Variants in DLG2 observed in about 807,000 individuals in gnomAD.
DLG2 encodes the protein discs large MAGUK scaffold protein 2.
Under a neutral mutation model 132.5 loss-of-function variants are expected in DLG2, and 45 were observed. The observed-to-expected ratio is 0.34, with a 90% CI of 0.27 to 0.44. The LOEUF (loss-of-function observed/expected upper bound fraction) is 0.44. Among genes scored for constraint, DLG2 ranks in the 20% least tolerant of loss-of-function variants. DLG2 has a pLI of 1.00. For missense variants in DLG2, 1,045 were observed against 1,196.9 expected (o/e 0.87, Z 1.87); for synonymous variants, 424 against 419.6 (o/e 1.01, Z -0.13).
At chr11:84,531,277 G>C (rs899232230) in intron 7 of DLG2, among the ~76,000 whole-genome samples, 1 of 152,076 alleles carries the variant, frequency 6.6e-6, no homozygotes, top group East Asian at 1.9e-4. Flanking sequence ...TAAACAATGA[G>C]TACATATGGA....
chr11:85,112,046 C>T (rs1367956202), intron 5 of DLG2, among the ~76,000 whole-genome samples: 3 of 152,058 alleles, frequency 2.0e-5, no homozygotes, highest in African/African-American at 7.2e-5. Flanking sequence ...GCTGACTGTT[C>T]TCTTCCAGGC....
At chr11:85,017,901 G>C (rs1056091843) in intron 6 of DLG2, among the ~76,000 whole-genome samples, 10 of 152,068 alleles carry the variant, frequency 6.6e-5, no homozygotes, top group Non-Finnish European at 1.3e-4. Context: ...GGAGTGCAAG[G>C]CTTTCTCAGT....
intron 18 of DLG2, among the ~76,000 whole-genome samples, chr11:83,709,403 T>C (rs1203034032): frequency 2.0e-5 from 3 of 150,964 alleles, no homozygotes; most frequent in Non-Finnish European, 3.0e-5. Flanking sequence ...TTCAACAAGA[T>C]TGCTCATTAA....
intron 6 of DLG2, among the ~76,000 whole-genome samples, chr11:84,835,979 C>T (rs759390921): frequency 1.1e-3 from 162 of 151,744 alleles, no homozygotes; most frequent in Admixed American, 2.1e-3. Flanking sequence ...TGAAGAATTA[C>T]AGTATGGCTG....
intron 6 of DLG2, among the ~76,000 whole-genome samples, chr11:85,066,350 C>A (rs888632361): frequency 5.3e-5 from 8 of 151,724 alleles, no homozygotes; most frequent in Admixed American, 5.3e-4. Flanking sequence ...GGATTCATAG[C>A]TGAATTTTAC....
intron 16 of DLG2, among the ~76,000 whole-genome samples, chr11:83,847,184 T>C (rs1400911805): frequency 6.6e-6 from 1 of 152,168 alleles, no homozygotes; most frequent in East Asian, 1.9e-4. Context: ...AAATATCTAT[T>C]GTACAGAGTT....
intron 7 of DLG2, among the ~76,000 whole-genome samples, chr11:84,390,985 C>G (rs1040450998): frequency 6.6e-6 from 1 of 152,108 alleles, no homozygotes; most frequent in Non-Finnish European, 1.5e-5. Flanking sequence ...TTTTAAGAGT[C>G]AGGCCTGAAA....
At chr11:84,763,196 G>T (rs969310638) in intron 6 of DLG2, 10 of 152,228 alleles carry the variant, frequency 6.6e-5, no homozygotes, top group Non-Finnish European at 1.3e-4. Context: ...CATTTTGAAA[G>T]GTAATCACAC....
chr11:85,196,647 T>C (rs2152542277), intron 4 of DLG2, among the ~76,000 whole-genome samples: 1 of 152,348 alleles, frequency 6.6e-6, no homozygotes, highest in East Asian at 1.9e-4. Flanking sequence ...GGGACCAGGG[T>C]TGTTTCTCCA....
At chr11:84,999,717 T>G (rs1226562368) in intron 6 of DLG2, among the ~76,000 whole-genome samples, 4 of 152,144 alleles carry the variant, frequency 2.6e-5, no homozygotes, top group Non-Finnish European at 5.9e-5. Flanking sequence ...AATGTTCGCA[T>G]CATCAAATTG....
intron 19 of DLG2, among the ~76,000 whole-genome samples, chr11:83,622,255 A>C (rs1180541638): frequency 6.6e-6 from 1 of 152,144 alleles, no homozygotes; most frequent in Non-Finnish European, 1.5e-5. Context: ...ACAAGAATTG[A>C]GCATTTTCAT....
At position 84,273,241 on chromosome 11, in the gene DLG2, A is replaced by C. The variant is rs774491216; in HGVS notation, c.520-21950T>G. On this transcript the variant is annotated intron_variant, in intron 7 of 27. Coordinates refer to ENST00000376104, the MANE Select transcript of DLG2 (RefSeq NM_001142699.3). ...GCTGATAATTCTCAGCCCGAGAAAC[A>C]CTTGGCCGTTGCATAGCGAAAGCTG... 3.9e-6 allele frequency: 6 copies of C among 1,554,336 alleles called. No individual in the cohort carries two copies. In the East Asian group the frequency reaches 1.4e-4, roughly 36 times the overall value.
chr11:85,536,348 A>G (rs1317425787), intron 3 of DLG2, among the ~76,000 whole-genome samples: 2 of 152,048 alleles, frequency 1.3e-5, no homozygotes, highest in African/African-American at 4.8e-5. Flanking sequence ...CTTTGGGAGG[A>G]CCCCAGAAGC....
chr11:84,120,462 T>C (rs533766430), intron 9 of DLG2, among the ~76,000 whole-genome samples: 2 of 152,306 alleles, frequency 1.3e-5, no homozygotes, highest in Admixed American at 1.3e-4. Context: ...AAGTTGTTCT[T>C]CACAATGACT....
intron 11 of DLG2, among the ~76,000 whole-genome samples, chr11:84,015,250 A>T (rs554768706): frequency 1.3e-5 from 2 of 152,300 alleles, no homozygotes; most frequent in South Asian, 4.1e-4. Flanking sequence ...ATAAAGAAGC[A>T]TGTGCCAAGT....
At chr11:83,574,783 G>A (rs572721321) in intron 19 of DLG2, among the ~76,000 whole-genome samples, 1 of 152,154 alleles carries the variant, frequency 6.6e-6, no homozygotes, top group Non-Finnish European at 1.5e-5. Context: ...TGTCTAAAAC[G>A]ATTGGATCCA....
At chr11:84,307,620 C>T (rs893514343) in intron 7 of DLG2, among the ~76,000 whole-genome samples, 3 of 146,990 alleles carry the variant, frequency 2.0e-5, no homozygotes, top group African/African-American at 7.7e-5. Flanking sequence ...GGCGTGAACC[C>T]GGGAAGCAGA....
At chr11:84,764,461 T>A (rs2068103488) in intron 6 of DLG2, among the ~76,000 whole-genome samples, 1 of 152,142 alleles carries the variant, frequency 6.6e-6, no homozygotes, top group African/African-American at 2.4e-5. Context: ...TAGTGCTCAT[T>A]TTCTGCCAAG....
chr11:84,225,050 T>A (rs1322227007), intron 8 of DLG2, among the ~76,000 whole-genome samples: 1 of 152,210 alleles, frequency 6.6e-6, no homozygotes, highest in Non-Finnish European at 1.5e-5. Flanking sequence ...CTCTTCACAG[T>A]TACCATACTA....
Sources: gnomAD v4.1 joint callset for allele counts (sites outside exome capture counted in the v4.1 genomes callset) on GRCh38, gnomAD v4.1.1 for gene constraint, MANE v1.5 for transcripts, NCBI Gene and HGNC (gene_info 2026-07-23, HGNC 2026-07-21) for gene names.